Variants in DST observed in about 807,000 individuals in gnomAD.
DST encodes the protein dystonin, also known as bullous pemphigoid antigen.
In DST, 253 loss-of-function variants were observed where a neutral mutation model predicts 875.2. That is an observed-to-expected ratio of 0.29 (90% CI 0.26 to 0.32). The LOEUF is 0.32. Among genes scored for constraint, DST ranks in the 10% least tolerant of loss-of-function variants. DST has a pLI of 1.00. For missense variants in DST, 8,287 were observed against 9,111.6 expected (o/e 0.91, Z 3.68); for synonymous variants, 3,124 against 3,197.1 (o/e 0.98, Z 0.77).
intron 45 of DST, among the ~76,000 whole-genome samples, chr6:56,599,805 T>C (rs1056623754): frequency 1.3e-5 from 2 of 152,072 alleles, no homozygotes; most frequent in African/African-American, 4.8e-5. Flanking sequence ...TCACACAAGG[T>C]ATTTTCATTA....
intron 9 of DST, chr6:56,692,697 T>C: frequency 7.8e-7 from 1 of 1,289,730 alleles, no homozygotes; most frequent in Non-Finnish European, 1.0e-6. Context: ...TTGCGCAATA[T>C]GGAGTGCTGT....
intron 3 of DST, among the ~76,000 whole-genome samples, chr6:56,854,402 G>T (rs1250214673): frequency 6.6e-6 from 1 of 151,898 alleles, no homozygotes; most frequent in Non-Finnish European, 1.5e-5. Context: ...CCTAAGGTTT[G>T]ATTCCTATTA....
intron 2 of DST, among the ~76,000 whole-genome samples, chr6:56,950,254 T>C (rs1411111393): frequency 6.6e-6 from 1 of 152,188 alleles, no homozygotes; most frequent in African/African-American, 2.4e-5. Flanking sequence ...TAGAACACAC[T>C]CTTCTCCTTC....
intron 9 of DST, among the ~76,000 whole-genome samples, chr6:56,688,997 T>C (rs2099207664): frequency 6.6e-6 from 1 of 152,114 alleles, no homozygotes; most frequent in Non-Finnish European, 1.5e-5. Flanking sequence ...GTAAATTGCC[T>C]CAGGTAACAG....
At chr6:56,642,143 T>C in intron 16 of DST, 42 bp from the exon 17 acceptor site, 1 of 1,500,884 alleles carries the variant, frequency 6.7e-7, no homozygotes, top group Non-Finnish European at 9.2e-7. Flanking sequence ...GTGAAACAAG[T>C]TTCAAAACAA....
chr6:56,542,724 G>C (rs1210947817), intron 61 of DST: 1 of 152,456 alleles, frequency 6.6e-6, no homozygotes, highest in African/African-American at 2.4e-5. Flanking sequence ...GCTGTCCGCG[G>C]CTCCTCAGGG....
At chr6:56,877,181 A>AT (rs1424838818) in intron 3 of DST, among the ~76,000 whole-genome samples, 1 of 152,238 alleles carries the variant, frequency 6.6e-6, no homozygotes, top group Non-Finnish European at 1.5e-5. Flanking sequence ...TAAACCCATC[A>AT]TCCCACCCCA....
Position 56,926,945 on chromosome 6 carries a change from G to A in DST, c.217-26324C>T, listed in dbSNP as rs553303345. 5.7e-4 allele frequency among the ~76,000 whole-genome samples: 87 copies of A among 152,288 alleles called. 2 individuals are homozygous for A. In the South Asian group the frequency reaches 0.017, roughly 30 times the overall value. On this transcript the variant is annotated intron_variant, in intron 2 of 103. Coordinates refer to ENST00000680361, the MANE Select transcript of DST (RefSeq NM_001374736.1). ...TCTATGAAAATGCAAATATTTATATGCAGAGTCATACCTCCAAAAACAGTA... is the reference window on the plus strand; with the variant it reads ...TCTATGAAAATGCAAATATTTATATACAGAGTCATACCTCCAAAAACAGTA...
At chr6:56,708,467 C>G (rs1181623487) in intron 5 of DST, among the ~76,000 whole-genome samples, 2 of 151,302 alleles carry the variant, frequency 1.3e-5, no homozygotes, top group African/African-American at 4.8e-5. Flanking sequence ...ATCCCCAATA[C>G]TGCCTGCTTT....
At chr6:56,547,112 A>G (rs185682270) in intron 61 of DST, among the ~76,000 whole-genome samples, 1 of 152,336 alleles carries the variant, frequency 6.6e-6, no homozygotes, top group Non-Finnish European at 1.5e-5. Context: ...AAAAGAGAAC[A>G]TGTTGCAAAG....
intron 3 of DST, among the ~76,000 whole-genome samples, chr6:56,900,111 G>T (rs1056034848): frequency 6.6e-6 from 1 of 152,134 alleles, no homozygotes; most frequent in Non-Finnish European, 1.5e-5. Flanking sequence ...ACCACACCTA[G>T]ATTTGTTGAC....
intron 54 of DST, among the ~76,000 whole-genome samples, chr6:56,569,249 C>T (rs1464397303): frequency 6.8e-6 from 1 of 148,094 alleles, no homozygotes; most frequent in Non-Finnish European, 1.5e-5. Flanking sequence ...GGCGTGAACC[C>T]AGGAGGCAGA....
At chr6:56,543,992 A>G (rs896231222) in intron 61 of DST, among the ~76,000 whole-genome samples, 1 of 152,232 alleles carries the variant, frequency 6.6e-6, no homozygotes, top group African/African-American at 2.4e-5. Context: ...ATGACTATCT[A>G]TAAAGAAAAA....
chr6:56,588,795 T>A (rs191721649), intron 49 of DST, among the ~76,000 whole-genome samples: 1 of 152,136 alleles, frequency 6.6e-6, no homozygotes, highest in Admixed American at 6.6e-5. Flanking sequence ...TGTGCATATG[T>A]CAAAAGGCCC....
In DST at chr6:56,508,839, T is replaced by C. The variant is rs1030361502; in HGVS notation, c.19013-84A>G. The C allele has an allele frequency of 1.8e-4, 198 of 1,126,232 alleles. 1 individual carries two copies. The highest frequency in any genetic ancestry group is 2.2e-4 in the Non-Finnish European group (177 of 791,674). 69.8% of individuals were successfully genotyped at this position (1,126,232 alleles called of 1,614,324 possible). On this transcript the variant is annotated intron_variant, in intron 74 of 103. Coordinates refer to ENST00000680361, the MANE Select transcript of DST (RefSeq NM_001374736.1). ...AGAATGTTATAGTTCACACAGAAAG[T>C]AGTGATCCAATTTGCTAAGTATCTA...
intron 83 of DST, 108 bp downstream of exon 83, chr6:56,493,902 T>C: frequency 2.4e-6 from 2 of 841,426 alleles, no homozygotes; most frequent in Non-Finnish European, 1.7e-6. Context: ...TGTTTAAACA[T>C]AAATCATTGA....
At chr6:56,657,408 A>C (rs2099014709) in intron 10 of DST, among the ~76,000 whole-genome samples, 1 of 152,198 alleles carries the variant, frequency 6.6e-6, no homozygotes, top group African/African-American at 2.4e-5. Flanking sequence ...AGCCTGGAAA[A>C]GATAGCATTT....
At chr6:56,929,322 A>T (rs988059942) in intron 2 of DST, among the ~76,000 whole-genome samples, 2 of 152,162 alleles carry the variant, frequency 1.3e-5, no homozygotes, top group African/African-American at 4.8e-5. Flanking sequence ...CAAATACATT[A>T]ATAGGCGGAT....
chr6:56,603,018 A>G lies in DST; in HGVS notation c.11171T>C (p.Val3724Ala). Residue 3724 changes from valine to alanine, a missense_variant, in exon 43 of 104, where the codon GTT (valine) becomes GCT (alanine). Around this residue, in one of 10 missense-constraint regions of DST, gnomAD observed 3,138 missense variants for 3,116.6 expected, o/e 1.01. Coordinates refer to ENST00000680361, the MANE Select transcript of DST (RefSeq NM_001374736.1). ...AIDSEMSKLA[V>A]SHEEFLHKLK... Reference sequence around the variant, plus strand: ...TTTATGCAGAAATTCTTCATGGGAAACTGCTAGTTTAGACTAGAAAAAAAA... The same window carrying G: ...TTTATGCAGAAATTCTTCATGGGAAGCTGCTAGTTTAGACTAGAAAAAAAA... 1 of 1,576,394 alleles carries G rather than the reference A, an allele frequency of 6.3e-7. No individual in the cohort carries two copies. The highest frequency in any genetic ancestry group is 8.6e-7 in the Non-Finnish European group (1 of 1,168,756).
Sources: gnomAD v4.1 joint callset for allele counts (sites outside exome capture counted in the v4.1 genomes callset) on GRCh38, gnomAD v4.1.1 for gene constraint, gnomAD v4.1.1 regional missense constraint, MANE v1.5 for transcripts, NCBI Gene and HGNC (gene_info 2026-07-23, HGNC 2026-07-21) for gene names.